PLXDC2: variants seen among roughly 807,000 people sequenced by gnomAD.
PLXDC2 encodes plexin domain containing 2.
PLXDC2 carries 40 observed loss-of-function variants against 68.9 expected under a neutral mutation model. The observed-to-expected ratio is 0.58, with a 90% CI of 0.45 to 0.76. The LOEUF is 0.76. Among genes scored for constraint, PLXDC2 ranks in the 30% least tolerant of loss-of-function variants. The pLI, the probability that PLXDC2 is intolerant of heterozygous loss-of-function variation, is 0.00. For synonymous variants in PLXDC2, 243 were observed against 234.2 expected, an observed-to-expected ratio of 1.04 and a Z score of -0.34; for missense variants, 644 against 661.9, an observed-to-expected ratio of 0.97 and a Z score of 0.30.
chr10:20,205,834 T>C (rs1834983568), intron 9 of PLXDC2, among the ~76,000 whole-genome samples: 1 of 152,102 alleles, frequency 6.6e-6, no homozygotes, highest in African/African-American at 2.4e-5. Flanking sequence ...AAAGGGAAAA[T>C]AAGAGTACAA....
chr10:19,827,325 C>G (rs1033022811), intron 1 of PLXDC2, among the ~76,000 whole-genome samples: 8 of 152,176 alleles, frequency 5.3e-5, no homozygotes, highest in African/African-American at 1.9e-4. Flanking sequence ...CTTGTTCTTG[C>G]TCTTCAGAAG....
At chr10:19,924,505 T>G (rs1833507974) in intron 1 of PLXDC2, among the ~76,000 whole-genome samples, 2 of 152,198 alleles carry the variant, frequency 1.3e-5, no homozygotes, top group African/African-American at 4.8e-5. Flanking sequence ...CTTGGCAAGG[T>G]TATATAATAG....
intron 13 of PLXDC2, among the ~76,000 whole-genome samples, chr10:20,269,541 T>C (rs1206406605): frequency 6.6e-6 from 1 of 152,188 alleles, no homozygotes; most frequent in Non-Finnish European, 1.5e-5. Context: ...GGATATATTA[T>C]GATTTTAAAA....
At chr10:20,247,422 A>C (rs1835614544) in intron 13 of PLXDC2, among the ~76,000 whole-genome samples, 1 of 152,044 alleles carries the variant, frequency 6.6e-6, no homozygotes, top group African/African-American at 2.4e-5. Flanking sequence ...AGCTGCAGGG[A>C]ACAGTGACTG....
At chr10:20,207,112 C>T (rs1220404126) in intron 9 of PLXDC2, among the ~76,000 whole-genome samples, 1 of 152,030 alleles carries the variant, frequency 6.6e-6, no homozygotes, top group Non-Finnish European at 1.5e-5. Context: ...CACTATATGC[C>T]ACAAAAAGTA....
intron 1 of PLXDC2, among the ~76,000 whole-genome samples, chr10:19,957,107 A>G (rs1834082725): frequency 6.6e-6 from 1 of 152,172 alleles, no homozygotes; most frequent in Non-Finnish European, 1.5e-5. Context: ...AAAAAGATTT[A>G]TATGCTTTAT....
chr10:20,174,669 G>A (rs1834501753), intron 7 of PLXDC2, among the ~76,000 whole-genome samples: 1 of 152,060 alleles, frequency 6.6e-6, no homozygotes, highest in Non-Finnish European at 1.5e-5. Flanking sequence ...AGGAGGGAAA[G>A]CATTAGGAGA....
At chr10:20,085,989 A>C (rs1441361881) in intron 4 of PLXDC2, among the ~76,000 whole-genome samples, 1 of 152,184 alleles carries the variant, frequency 6.6e-6, no homozygotes, top group East Asian at 1.9e-4. Context: ...ATAGAATCTA[A>C]TTACTTTCTT....
chr10:19,998,108 A>G (rs908127231), intron 1 of PLXDC2, among the ~76,000 whole-genome samples: 3 of 152,196 alleles, frequency 2.0e-5, no homozygotes, highest in African/African-American at 7.2e-5. Context: ...GTTCAGCCAG[A>G]CTATTCAAAG....
At chr10:19,861,226 G>A (rs549794486) in intron 1 of PLXDC2, among the ~76,000 whole-genome samples, 1 of 151,784 alleles carries the variant, frequency 6.6e-6, no homozygotes. Context: ...GTAGAGATGG[G>A]GTTTCACCAT....
Position 20,197,624 on chromosome 10 carries a change from G to A in PLXDC2, c.1062-14045G>A, listed in dbSNP as rs4271293. Among the ~76,000 whole-genome samples the A allele has an allele frequency of 4.1e-3, 624 of 152,086 alleles. 4 individuals carry two copies. Among genetic ancestry groups the A allele is most frequent in the African/African-American group, 0.014 (574 of 41,482 alleles). On this transcript the variant is annotated intron_variant, in intron 9 of 13. Transcript: ENST00000377252. ...ACCCACCTTGGCCTCCCAAAGTGCTGGGATTAGAGGCATAAGCCTCCGCAC... is the reference window on the plus strand; with the variant it reads ...ACCCACCTTGGCCTCCCAAAGTGCTAGGATTAGAGGCATAAGCCTCCGCAC...
intron 2 of PLXDC2, among the ~76,000 whole-genome samples, chr10:20,015,998 C>T (rs770631908): frequency 2.6e-5 from 4 of 152,162 alleles, no homozygotes; most frequent in Non-Finnish European, 4.4e-5. Context: ...AAAGCCATCA[C>T]GAGTATAAAG....
intron 3 of PLXDC2, among the ~76,000 whole-genome samples, chr10:20,054,246 G>T (rs1835955585): frequency 6.6e-6 from 1 of 151,958 alleles, no homozygotes; most frequent in African/African-American, 2.4e-5. Context: ...AAGGGTGGGG[G>T]ATGAAGGTTT....
At chr10:19,909,734 G>C (rs1467548402) in intron 1 of PLXDC2, among the ~76,000 whole-genome samples, 1 of 152,090 alleles carries the variant, frequency 6.6e-6, no homozygotes, top group East Asian at 1.9e-4. Flanking sequence ...TGCCTATACA[G>C]AATAGACACA....
At position 20,284,330 on chromosome 10, in the gene PLXDC2, T is replaced by TATATATATATATATATAA. The variant is rs1484131963; in HGVS notation, c.*4512_*4513insTATATATATATATATAAA. On this transcript the variant is annotated 3_prime_UTR_variant, in exon 14 of 14. Coordinates refer to ENST00000377252, the MANE Select transcript of PLXDC2 (RefSeq NM_032812.9). ...AAATATACATATATATATATATATA[T>TATATATATATATATATAA]ACACACACACACACACACACACAAA... The TATATATATATATATATAA allele has an allele frequency of 7.9e-6, 1 of 126,338 alleles. No homozygotes were observed. The highest frequency in any genetic ancestry group is 2.9e-5 in the African/African-American group (1 of 34,316). The allele number at this position is 126,338 out of a possible 1,614,324, so 7.8% of individuals were successfully genotyped here. A position where few individuals can be genotyped will look rare whatever the true frequency, so the allele number is the denominator to read the frequency against.
chr10:19,972,562 A>G (rs1834373577), intron 1 of PLXDC2, among the ~76,000 whole-genome samples: 1 of 152,296 alleles, frequency 6.6e-6, no homozygotes, highest in South Asian at 2.1e-4. Context: ...TTGCCCATGT[A>G]ACAAACGTGC....
intron 6 of PLXDC2, among the ~76,000 whole-genome samples, chr10:20,163,994 C>T (rs1406398713): frequency 2.6e-5 from 4 of 152,054 alleles, no homozygotes; most frequent in African/African-American, 9.7e-5. Context: ...TTTAACAGTG[C>T]ATTTATTTGT....
intron 1 of PLXDC2, among the ~76,000 whole-genome samples, chr10:19,933,328 A>G (rs185231721): frequency 1.3e-3 from 201 of 152,288 alleles, no homozygotes; most frequent in African/African-American, 4.7e-3. Flanking sequence ...GTCTACCCAA[A>G]TCACCAATTA....
intron 12 of PLXDC2, among the ~76,000 whole-genome samples, chr10:20,222,754 G>C (rs1032194955): frequency 6.6e-6 from 1 of 152,106 alleles, no homozygotes; most frequent in East Asian, 1.9e-4. Context: ...TCAGGAGGCT[G>C]AGGCAGGAGG....
Sources: allele counts gnomAD v4.1 joint callset (sites outside exome capture counted in the v4.1 genomes callset), GRCh38; gene constraint gnomAD v4.1.1; transcripts MANE v1.5; gene names NCBI Gene and HGNC (gene_info 2026-07-23, HGNC 2026-07-21).